Variants in PIEZO1 observed in about 807,000 individuals in gnomAD.
PIEZO1 encodes the protein piezo-type mechanosensitive ion channel component 1.
Under a neutral mutation model 297.2 loss-of-function variants are expected in PIEZO1, and 296 were observed. The ratio of observed to expected loss-of-function variants is 1.00; its 90% CI spans 0.91 to 1.10. PIEZO1 has a LOEUF of 1.10. Among genes scored for constraint, PIEZO1 ranks in the 50% least tolerant of loss-of-function variants. PIEZO1 has a pLI of 0.00. For synonymous variants in PIEZO1, 2,427 were observed against 1,507.5 expected, an observed-to-expected ratio of 1.61 and a Z score of -14.13; for missense variants, 5,018 against 3,455.5, an observed-to-expected ratio of 1.45 and a Z score of -11.34.
intron 22 of PIEZO1, among the ~76,000 whole-genome samples, chr16:88,728,129 T>G (rs867276288): frequency 6.6e-5 from 10 of 152,210 alleles, no homozygotes; most frequent in Admixed American, 3.3e-4. Context: ...CTCTGCCAAG[T>G]GAAAGAAGCC....
Position 88,726,346 on chromosome 16 carries a change from G to C in PIEZO1, c.3906C>G (p.Phe1302Leu). The C allele has an allele frequency of 6.4e-7, 1 of 1,550,454 alleles. No homozygotes were observed. The highest frequency in any genetic ancestry group is 8.7e-7 in the Non-Finnish European group (1 of 1,146,948). Residue 1302 changes from phenylalanine to leucine, a missense_variant, in exon 27 of 51, where the codon TTC (phenylalanine) becomes TTG (leucine). By Grantham distance (22) the Phe-to-Leu change is conservative. Transcript: ENST00000301015. ...TGACGTGCAGGTAGTAATGGCTAAG[G>C]AAGACGCGGCGCTGCAGCAGCAGGA... Reference protein sequence around the residue: ...FFFLLLQRRVFLSHYYLHVRA... With the variant: ...FFFLLLQRRVLLSHYYLHVRA...
chr16:88,760,247 G>T (rs1302935989), intron 1 of PIEZO1, among the ~76,000 whole-genome samples: 5 of 152,184 alleles, frequency 3.3e-5, no homozygotes, highest in African/African-American at 1.2e-4. Context: ...ACCGTCTCAG[G>T]CTGGGATCCT....
Position 88,722,887 on chromosome 16 carries a change from T to TCATGGTGC in PIEZO1, c.4610_4617dup (p.Ser1540AlafsTer3), listed in dbSNP as rs1904291954. ...TAGCGCTCTGCCCGCAGCACGTCGC[T>TCATGGTGC]CATGGTGCCGTGGTGCCGGGTGAAC... On this transcript the variant is annotated frameshift_variant, in exon 34 of 51. Transcript: ENST00000301015. LOFTEE classifies it high-confidence loss of function. The TCATGGTGC allele has an allele frequency of 4.5e-6, 7 of 1,548,916 alleles. No individual in the cohort carries two copies. The highest frequency in any genetic ancestry group is 6.1e-6 in the Non-Finnish European group (7 of 1,146,810).
chr16:88,755,055 C>T (rs1286555359), intron 1 of PIEZO1, among the ~76,000 whole-genome samples: 2 of 152,168 alleles, frequency 1.3e-5, no homozygotes, highest in Admixed American at 6.5e-5. Flanking sequence ...AGGTCACCGC[C>T]GCGGCCATCA....
In PIEZO1 at chr16:88,716,806, C is replaced by A; in HGVS notation, c.6753G>T (p.Pro2251=). Residue 2251 remains proline (P), a splice_region_variant and synonymous_variant, in exon 46 of 51, where the codon CCG becomes CCT. Transcript: ENST00000301015. ...EELSRQFDPQ[P]LAMQFISQYS... ...CTTTCACAGGGCAGAGGCCACTTAC[C>A]GGCTGGGGGTCAAACTGCCGGGACA... is the stretch of plus-strand genomic sequence containing the variant. The A allele has an allele frequency of 6.5e-7, 1 of 1,549,942 alleles. No homozygotes were observed. The highest frequency in any genetic ancestry group is 8.7e-7 in the Non-Finnish European group (1 of 1,146,936).
rs983844353 is a variant in PIEZO1, at chr16:88,775,893, CAGA to C, written c.64+9005_64+9007del. Among the ~76,000 whole-genome samples, 51 of 152,296 alleles carry C rather than the reference CAGA, an allele frequency of 3.3e-4. 1 individual carries two copies. The highest frequency in any genetic ancestry group is 1.2e-3 in the African/African-American group (48 of 41,568). On this transcript the variant is annotated intron_variant, in intron 1 of 50. Transcript: ENST00000301015. Reference sequence around the variant, plus strand: ...AGCTGGGAGACTTGAGGAGACTCCTCAGAAGAAGGCAGTGCACACGCAGAGGCA... The same window carrying C: ...AGCTGGGAGACTTGAGGAGACTCCTCAGAAGGCAGTGCACACGCAGAGGCA...
intron 1 of PIEZO1, among the ~76,000 whole-genome samples, chr16:88,762,563 A>G (rs1488766175): frequency 1.3e-5 from 2 of 152,174 alleles, no homozygotes; most frequent in South Asian, 4.1e-4. Flanking sequence ...CCAAGGGTAG[A>G]CCCCCAGTGG....
intron 22 of PIEZO1, among the ~76,000 whole-genome samples, chr16:88,729,625 GC>G (rs35444494): frequency 2.1e-5 from 3 of 141,252 alleles, no homozygotes; most frequent in Non-Finnish European, 3.0e-5. Flanking sequence ...TGAACCCACA[GC>G]CCCCATCTGC....
intron 1 of PIEZO1, among the ~76,000 whole-genome samples, chr16:88,772,775 C>CA (rs59210137): frequency 0.35 from 42,249 of 122,248 alleles, 7,173 homozygotes; most frequent in East Asian, 0.46. Flanking sequence ...GAGACTCTGT[C>CA]AAAAAAAAAA....
Position 88,743,111 on chromosome 16 carries a change from C to T in PIEZO1, c.161-689G>A, listed in dbSNP as rs759924450. On this transcript the variant is annotated intron_variant, in intron 2 of 50. Coordinates refer to ENST00000301015, the MANE Select transcript of PIEZO1 (RefSeq NM_001142864.4). ...GCGGCAGCACCATCTGGTTGCCTGG[C>T]AGCCTTGTCCTGCTCCCAGCTGCCT... 8.5e-5 allele frequency: 39 copies of T among 456,476 alleles called. 1 individual carries two copies. Among genetic ancestry groups the T allele is most frequent in the South Asian group, 3.6e-4 (23 of 64,574 alleles). The allele number at this position is 456,476 out of a possible 1,614,324, so 28.3% of individuals were successfully genotyped here. A position where few individuals can be genotyped will look rare whatever the true frequency, so the allele number is the denominator to read the frequency against.
intron 39 of PIEZO1, 149 bp downstream of exon 39, chr16:88,721,017 C>A (rs1406080906): frequency 1.2e-6 from 1 of 866,106 alleles, no homozygotes; most frequent in East Asian, 2.7e-5. Context: ...TAGGCAGAGC[C>A]GGGAGCTGTG....
At position 88,721,328 on chromosome 16, in the gene PIEZO1, C is replaced by T; in HGVS notation, c.5506G>A (p.Ala1836Thr). The change falls in exon 39 of 51, where the codon GCC becomes ACC. Residue 1836 changes from alanine (A) to threonine (T), a missense_variant. Ala to Thr is a moderately conservative substitution (Grantham distance 58). Coordinates refer to ENST00000301015, the MANE Select transcript of PIEZO1 (RefSeq NM_001142864.4). The stretch of plus-strand genomic sequence containing the variant: ...ACCTGAATGTGGTCTTCGGTGGTGG[C>T]CGCAGGCACCCCTGGCCCCTCCTCG... ...GAEEGPGVPAATTEDHIQVEA... is the reference protein window; with the variant it reads ...GAEEGPGVPATTTEDHIQVEA... 6.5e-7 allele frequency: 1 copy of T among 1,546,958 alleles called. No homozygotes were observed. The highest frequency in any genetic ancestry group is 2.4e-5 in the East Asian group (1 of 40,914).
At position 88,733,443 on chromosome 16, in the gene PIEZO1, C is replaced by G. The variant is rs760095292; in HGVS notation, c.2499G>C (p.Met833Ile). The G allele has an allele frequency of 6.5e-7, 1 of 1,548,602 alleles. No individual in the cohort carries two copies. The highest frequency in any genetic ancestry group is 1.4e-5 in the African/African-American group (1 of 72,910). The change falls in exon 19 of 51, where the codon ATG (methionine) becomes ATC (isoleucine). Residue 833 changes from methionine (M) to isoleucine (I), a missense_variant. Transcript: ENST00000301015. ...VWVALKEVSVMNLLLVVLWAF... is the reference protein window; with the variant it reads ...VWVALKEVSVINLLLVVLWAF... The stretch of plus-strand genomic sequence containing the variant: ...CCCACAGCACCACCAGCAGCAGGTT[C>G]ATCACCGACACCTGAGGGCAGTGGG...
rs1905127122 is a variant in PIEZO1 at position 88,735,191 on chromosome 16, A to C, written c.1613T>G (p.Leu538Arg). ...AGCTGGAGACTCTGCCCACTTCAGC[A>C]GCTTCTCTTTCACAAACTGGCGCAG... The part of the protein sequence containing the change: ...LLLRQFVKEK[L>R]LKWAESPAAL... Residue 538 changes from leucine to arginine, a missense_variant, in exon 13 of 51, where the codon CTG becomes CGG. By Grantham distance (102) the Leu-to-Arg change is moderately radical. Coordinates refer to ENST00000301015, the MANE Select transcript of PIEZO1 (RefSeq NM_001142864.4). 2 of 1,550,310 alleles carry C rather than the reference A, an allele frequency of 1.3e-6. No individual in the cohort carries two copies. The highest frequency in any genetic ancestry group is 2.4e-5 in the East Asian group (1 of 40,930).
intron 1 of PIEZO1, among the ~76,000 whole-genome samples, chr16:88,776,407 C>T (rs1297808456): frequency 6.6e-6 from 1 of 151,568 alleles, no homozygotes; most frequent in Non-Finnish European, 1.5e-5. Flanking sequence ...GCACTCCAGC[C>T]AGGGCGACAG....
intron 2 of PIEZO1, among the ~76,000 whole-genome samples, chr16:88,748,986 C>T (rs375074563): frequency 1.4e-5 from 2 of 147,880 alleles, no homozygotes; most frequent in East Asian, 2.0e-4. Context: ...GTCTGTAATC[C>T]CAGCACTTTG....
rs535424407 is a variant in PIEZO1 at position 88,717,272 on chromosome 16, G to A, written c.6472-61C>T. The A allele has an allele frequency of 3.3e-5, 47 of 1,430,370 alleles. No homozygotes were observed. The Admixed American group carries it at 4.3e-4, about 13-fold the overall frequency. The allele number at this position is 1,430,370 out of a possible 1,614,324, so 88.6% of individuals were successfully genotyped here. A position where few individuals can be genotyped will look rare whatever the true frequency, so the allele number is the denominator to read the frequency against. On this transcript the variant is annotated intron_variant, in intron 44 of 50. Coordinates refer to ENST00000301015, the MANE Select transcript of PIEZO1 (RefSeq NM_001142864.4). Reference sequence around the variant, plus strand: ...TGCCCTTCCTGCGGGTCACACAACCGCATTCTCCAGCTCACCCAGCAGCCC... The same window carrying A: ...TGCCCTTCCTGCGGGTCACACAACCACATTCTCCAGCTCACCCAGCAGCCC...
chr16:88,771,753 C>T (rs911436627), intron 1 of PIEZO1, among the ~76,000 whole-genome samples: 6 of 150,750 alleles, frequency 4.0e-5, no homozygotes, highest in Non-Finnish European at 1.5e-5. Context: ...TCCTGAGACT[C>T]TATGCCCGTC....
rs1487292507 is a variant in PIEZO1 at position 88,727,184 on chromosome 16, GAA to G, written c.3308_3309del (p.Phe1103SerfsTer16). ...APNSTNLISD[F>X]LLLLCASQQW... is the part of the protein sequence containing the mutation. ...TGCTGGGAGGCGCACAGCAGCAGGAGAAAGTCGCCTGCAGGACACAGGAGCCG... is the reference window on the plus strand; with the variant it reads ...TGCTGGGAGGCGCACAGCAGCAGGAGAGTCGCCTGCAGGACACAGGAGCCG... On this transcript the variant is annotated frameshift_variant, in exon 24 of 51. Transcript: ENST00000301015. LOFTEE classifies it high-confidence loss of function. 1 of 1,541,198 alleles carries G rather than the reference GAA, an allele frequency of 6.5e-7. No individual in the cohort carries two copies. The highest frequency in any genetic ancestry group is 8.8e-7 in the Non-Finnish European group (1 of 1,141,728).
Sources: allele counts gnomAD v4.1 joint callset (sites outside exome capture counted in the v4.1 genomes callset), GRCh38; gene constraint gnomAD v4.1.1; transcripts MANE v1.5; gene names NCBI Gene and HGNC (gene_info 2026-07-23, HGNC 2026-07-21).